MESD: variants seen among roughly 807,000 people sequenced by gnomAD.
The protein encoded by MESD is LRP chaperone MESD.
Under a neutral mutation model 12.9 loss-of-function variants are expected in MESD, and 7 were observed. The ratio of observed to expected loss-of-function variants is 0.54; its 90% confidence interval spans 0.31 to 1.02. The LOEUF is 1.02. Ranked by LOEUF, MESD falls within the 50% of genes least tolerant of loss-of-function variation. MESD has a pLI of 0.05. For missense variants in MESD, 342 were observed against 296.7 expected (o/e 1.15, Z -1.12); for synonymous variants, 126 against 115.6 (o/e 1.09, Z -0.58).
At chr15:80,955,431 A>G (rs1337038549) in intron 3 of MESD, among the ~76,000 whole-genome samples, 1 of 141,600 alleles carries the variant, frequency 7.1e-6, no homozygotes, top group East Asian at 2.3e-4. Context: ...CGGAGCTTGC[A>G]GTGAGCCGAG....
chr15:80,953,029 G>A (rs1346639673), intron 3 of MESD: 1 of 455,960 alleles, frequency 2.2e-6, no homozygotes, highest in Non-Finnish European at 4.4e-6. Flanking sequence ...AGTAGGACAG[G>A]TGTTGGCCTG....
chr15:80,954,070 TG>T (rs1171846222), intron 3 of MESD, among the ~76,000 whole-genome samples: 2 of 152,134 alleles, frequency 1.3e-5, no homozygotes, highest in African/African-American at 4.8e-5. Context: ...ACATGGTAGA[TG>T]ACCTGACCCA....
intron 3 of MESD, among the ~76,000 whole-genome samples, chr15:80,966,960 C>T (rs1257857792): frequency 6.6e-6 from 1 of 152,148 alleles, no homozygotes; most frequent in African/African-American, 2.4e-5. Context: ...TGAGGCCCAT[C>T]GAGGTGATGC....
exon 4 of MESD, chr15:80,952,241 G>A (rs910229263): frequency 2.6e-5 from 12 of 456,118 alleles, no homozygotes; most frequent in African/African-American, 2.2e-4. Flanking sequence ...ACTGGCAGAC[G>A]AGAGGCAGGC....
In MESD at chr15:80,976,346, C is replaced by T. The variant is rs1902417040; in HGVS notation, c.*2873G>A. On this transcript the variant is annotated 3_prime_UTR_variant, in exon 3 of 3. Coordinates refer to ENST00000261758, the MANE Select transcript of MESD (RefSeq NM_015154.3). ...CTGGGCAGACTGTTTCTCAGCTCAG[C>T]TTATGTTGGCTCCCCTCAGTGTCAA... The T allele has an allele frequency of 6.6e-6, 1 of 152,310 alleles. No homozygotes were observed. Among genetic ancestry groups the T allele is most frequent in the African/African-American group, 2.4e-5 (1 of 41,464 alleles). 9.4% of individuals were successfully genotyped at this position (152,310 alleles called of 1,614,324 possible). A position where few individuals can be genotyped will look rare whatever the true frequency, so the allele number is the denominator to read the frequency against.
intron 2 of MESD, among the ~76,000 whole-genome samples, chr15:80,979,726 T>C (rs1902522774): frequency 6.6e-6 from 1 of 152,238 alleles, no homozygotes; most frequent in South Asian, 2.1e-4. Context: ...TATAAATGGA[T>C]GCCCGTGTTA....
chr15:80,947,204 C>T (rs1901595100), downstream of MESD: 3 of 650,068 alleles, frequency 4.6e-6, no homozygotes, highest in Non-Finnish European at 8.5e-6. Flanking sequence ...ATCCCCCACA[C>T]AACTAGTGGT....
intron 3 of MESD, among the ~76,000 whole-genome samples, chr15:80,958,412 C>A (rs1162880323): frequency 6.6e-6 from 1 of 152,180 alleles, no homozygotes. Flanking sequence ...CTCACTGCAA[C>A]CTTCACCTCC....
intron 1 of MESD, among the ~76,000 whole-genome samples, chr15:80,985,329 G>A (rs1324726648): frequency 6.6e-6 from 1 of 152,148 alleles, no homozygotes; most frequent in Non-Finnish European, 1.5e-5. Context: ...GTTTGGGGAT[G>A]TAATGACTTA....
At chr15:80,955,282 G>C (rs1182744037) in intron 3 of MESD, among the ~76,000 whole-genome samples, 1 of 150,138 alleles carries the variant, frequency 6.7e-6, no homozygotes, top group African/African-American at 2.5e-5. Context: ...TCAGGAGATC[G>C]AGACCATCCT....
At chr15:80,988,397 A>G (rs912480670) in intron 1 of MESD, among the ~76,000 whole-genome samples, 2 of 152,204 alleles carry the variant, frequency 1.3e-5, no homozygotes, top group African/African-American at 4.8e-5. Flanking sequence ...CTCTTCGTCT[A>G]GCTCAGGGTC....
chr15:80,989,576 G>T lies in MESD; in HGVS notation c.213+3C>A. The T allele has an allele frequency of 1.2e-6, 2 of 1,612,396 alleles. No homozygotes were observed. Among genetic ancestry groups the T allele is most frequent in the East Asian group, 4.5e-5 (2 of 44,846 alleles). On this transcript the variant is annotated splice_donor_region_variant and intron_variant, in intron 1 of 2. Coordinates refer to ENST00000261758, the MANE Select transcript of MESD (RefSeq NM_015154.3). Reference sequence around the variant, plus strand: ...GCCGGGAGGGTGTGCGCGCGCCGCGGACCTCCCATTGCTCCAGAAGACGCG... The same window carrying T: ...GCCGGGAGGGTGTGCGCGCGCCGCGTACCTCCCATTGCTCCAGAAGACGCG...
chr15:80,968,255 T>C (rs1311239858), intron 3 of MESD, among the ~76,000 whole-genome samples: 1 of 152,220 alleles, frequency 6.6e-6, no homozygotes, highest in Admixed American at 6.5e-5. Flanking sequence ...CGCTCTGCTC[T>C]GGCATACCCT....
rs1395750082 is a variant in MESD, at chr15:80,977,071, C to G, written c.*2148G>C. The G allele has an allele frequency of 6.5e-6, 1 of 153,662 alleles. No individual in the cohort carries two copies. Among genetic ancestry groups the G allele is most frequent in the African/African-American group, 2.4e-5 (1 of 41,470 alleles). The allele number at this position is 153,662 out of a possible 1,614,324, so 9.5% of individuals were successfully genotyped here. A position where few individuals can be genotyped will look rare whatever the true frequency, so the allele number is the denominator to read the frequency against. On this transcript the variant is annotated 3_prime_UTR_variant, in exon 3 of 3. Transcript: ENST00000261758. The stretch of plus-strand genomic sequence containing the variant: ...ACCAAACTCCATGTGCTACGCTCCT[C>G]CAACCTGGGCCTGCACTGGGCCCCA...
intron 3 of MESD, among the ~76,000 whole-genome samples, chr15:80,961,074 G>C (rs761991451): frequency 2.1e-4 from 32 of 152,056 alleles, no homozygotes; most frequent in Non-Finnish European, 2.9e-5. Flanking sequence ...TCTCAGTATC[G>C]CCAGGCTTAG....
chr15:80,967,854 T>G (rs149690411), intron 3 of MESD, among the ~76,000 whole-genome samples: 1 of 152,308 alleles, frequency 6.6e-6, no homozygotes, highest in Admixed American at 6.5e-5. Context: ...AGATTTAAAA[T>G]TGCAAGTTGG....
chr15:80,983,169 G>C (rs1449847170), intron 1 of MESD, among the ~76,000 whole-genome samples: 1 of 151,992 alleles, frequency 6.6e-6, no homozygotes, highest in Non-Finnish European at 1.5e-5. Context: ...CTTGAGCCCA[G>C]GAGATCAGGG....
intron 3 of MESD, among the ~76,000 whole-genome samples, chr15:80,964,108 C>T (rs1261956187): frequency 2.0e-5 from 3 of 152,192 alleles, no homozygotes; most frequent in African/African-American, 7.2e-5. Flanking sequence ...TCTCCTTAAG[C>T]TGATAGGCAA....
intron 1 of MESD, among the ~76,000 whole-genome samples, chr15:80,989,067 G>A (rs1158074317): frequency 2.6e-5 from 4 of 152,122 alleles, no homozygotes; most frequent in Non-Finnish European, 5.9e-5. Context: ...TCCCAGCAGG[G>A]ACATATACCA....
Sources: allele counts gnomAD v4.1 joint callset (sites outside exome capture counted in the v4.1 genomes callset), GRCh38; gene constraint gnomAD v4.1.1; transcripts MANE v1.5; gene names NCBI Gene and HGNC (gene_info 2026-07-23, HGNC 2026-07-21).